HEATR5A: variants seen among roughly 807,000 people sequenced by gnomAD.
HEATR5A encodes the protein HEAT repeat containing 5A, also known as HEAT repeat-containing protein 5A.
In HEATR5A, 178 loss-of-function variants were observed where a neutral mutation model predicts 218.8. That is an observed-to-expected ratio of 0.81 (90% CI 0.72 to 0.92). The LOEUF (loss-of-function observed/expected upper bound fraction) is 0.92. Among genes scored for constraint, HEATR5A ranks in the 40% least tolerant of loss-of-function variants. The pLI, the probability that HEATR5A is intolerant of heterozygous loss-of-function variation, is 0.00. For missense variants in HEATR5A, 2,420 were observed against 2,418.9 expected (o/e 1.00, Z -0.01); for synonymous variants, 864 against 871.6 (o/e 0.99, Z 0.15).
intron 2 of HEATR5A, among the ~76,000 whole-genome samples, chr14:31,401,595 G>A (rs1236409647): frequency 6.6e-6 from 1 of 152,128 alleles, no homozygotes; most frequent in Non-Finnish European, 1.5e-5. Flanking sequence ...CAATTATAGT[G>A]CTACACTACA....
rs1899067792 is a variant in HEATR5A at position 31,292,925 on chromosome 14, G to C, written c.*380C>G. 1 of 161,532 alleles carries C rather than the reference G, an allele frequency of 6.2e-6. No individual in the cohort carries two copies. 10.0% of individuals were successfully genotyped at this position (161,532 alleles called of 1,614,324 possible). A position where few individuals can be genotyped will look rare whatever the true frequency, so the allele number is the denominator to read the frequency against. On this transcript the variant is annotated 3_prime_UTR_variant, in exon 36 of 36. Transcript: ENST00000543095. ...GCAATTGGGATACAATATTAGTGCA[G>C]ATAATTTACACTAGAGTCATATTTA...
chr14:31,407,584 T>A (rs61996789), intron 1 of HEATR5A, among the ~76,000 whole-genome samples: 17 of 1,332 alleles, frequency 0.013, 3 homozygotes, highest in African/African-American at 0.016. Context: ...CTTATTTTAT[T>A]TATATATATA....
At chr14:31,373,545 G>A (rs1352284321) in intron 12 of HEATR5A, among the ~76,000 whole-genome samples, 3 of 151,958 alleles carry the variant, frequency 2.0e-5, no homozygotes, top group Non-Finnish European at 4.4e-5. Flanking sequence ...TGTCTGGGCT[G>A]GTCTCAAACT....
Position 31,386,546 on chromosome 14 carries a change from T to C in HEATR5A, c.1219A>G (p.Thr407Ala). The C allele has an allele frequency of 6.3e-7, 1 of 1,599,404 alleles. No homozygotes were observed. The highest frequency in any genetic ancestry group is 1.1e-5 in the South Asian group (1 of 88,596). Residue 407 changes from threonine to alanine, a missense_variant, in exon 9 of 36, where the codon ACC becomes GCC. Thr to Ala is a moderately conservative substitution (Grantham distance 58). Coordinates refer to ENST00000543095, the MANE Select transcript of HEATR5A (RefSeq NM_015473.4). ...GCTACATCTGTGGAACCAAGCCGGG[T>C]TTCCAAATTACCATCACTCATTACG... is the stretch of plus-strand genomic sequence containing the variant. ...DAVMSDGNLETRLGSTDVAAS... is the reference protein window; with the variant it reads ...DAVMSDGNLEARLGSTDVAAS...
In HEATR5A at chr14:31,308,030, G is replaced by A; in HGVS notation, c.4691-10C>T. 6.3e-7 allele frequency: 1 copy of A among 1,584,464 alleles called. No homozygotes were observed. Among genetic ancestry groups the A allele is most frequent in the Admixed American group, 1.9e-5 (1 of 51,336 alleles). On this transcript the variant is annotated splice_polypyrimidine_tract_variant and intron_variant, in intron 29 of 35. Transcript: ENST00000543095. Reference sequence around the variant, plus strand: ...AATTCCACGCTGATTCCTGTGGAAAGCAAAAAAAGAGGAGGAGGCTTCTTT... The same window carrying A: ...AATTCCACGCTGATTCCTGTGGAAAACAAAAAAAGAGGAGGAGGCTTCTTT...
rs142105291 is a variant in HEATR5A at position 31,347,340 on chromosome 14, T to A, written c.2868+408A>T. Among the ~76,000 whole-genome samples the A allele has an allele frequency of 2.0e-5, 3 of 152,304 alleles. No homozygotes were observed. In the East Asian group the frequency reaches 5.8e-4, roughly 29 times the overall value. ...CATCCTCCCACCTCAGCCTCCTGAG[T>A]AGCTGAGACCACAGATGCATACCAT... On this transcript the variant is annotated intron_variant, in intron 19 of 35. Transcript: ENST00000543095.
intron 16 of HEATR5A, among the ~76,000 whole-genome samples, chr14:31,353,075 A>T (rs1335794759): frequency 6.6e-6 from 1 of 152,096 alleles, no homozygotes; most frequent in African/African-American, 2.4e-5. Flanking sequence ...TATCGTAATA[A>T]ATTTGAAAAA....
At chr14:31,367,780 G>A (rs1901860656) in intron 13 of HEATR5A, among the ~76,000 whole-genome samples, 1 of 151,716 alleles carries the variant, frequency 6.6e-6, no homozygotes, top group Admixed American at 6.6e-5. Flanking sequence ...CTAAAGAGGA[G>A]TAACGTCAAA....
intron 22 of HEATR5A, among the ~76,000 whole-genome samples, chr14:31,330,075 C>A (rs1209064916): frequency 6.6e-6 from 1 of 152,190 alleles, no homozygotes; most frequent in Non-Finnish European, 1.5e-5. Flanking sequence ...TGTGTGGGGG[C>A]TCTGACCCTT....
intron 24 of HEATR5A, among the ~76,000 whole-genome samples, chr14:31,321,927 T>C (rs1900121060): frequency 6.6e-6 from 1 of 152,172 alleles, no homozygotes; most frequent in Admixed American, 6.5e-5. Context: ...ATTAGCATTT[T>C]TTAAGTGTCC....
intron 1 of HEATR5A, among the ~76,000 whole-genome samples, chr14:31,417,495 G>A (rs2031491801): frequency 6.6e-6 from 1 of 152,188 alleles, no homozygotes; most frequent in South Asian, 2.1e-4. Context: ...TGAGGCAGGA[G>A]AATGGCGTGA....
Position 31,343,934 on chromosome 14 carries a change from G to A in HEATR5A, c.3190C>T (p.Arg1064Ter), listed in dbSNP as rs746745112. 1.4e-5 allele frequency: 23 copies of A among 1,610,684 alleles called. No homozygotes were observed. The highest frequency in any genetic ancestry group is 3.3e-5 in the South Asian group (3 of 90,442). ...ACCAGGCTAGACAAGTTGACATGTCGTGGAGCAAACATATGAAGCTGCTGA... is the reference window on the plus strand; with the variant it reads ...ACCAGGCTAGACAAGTTGACATGTCATGGAGCAAACATATGAAGCTGCTGA... ...CLQQLHMFAP[R>*]HVNLSSLVSC... Residue 1064 changes from arginine to a stop codon, truncating the protein, a stop_gained, in exon 21 of 36, where the codon CGA becomes TGA. Transcript: ENST00000543095. LOFTEE classifies it high-confidence loss of function.
chr14:31,408,766 T>C (rs913335265), intron 1 of HEATR5A, among the ~76,000 whole-genome samples: 3 of 151,266 alleles, frequency 2.0e-5, no homozygotes, highest in Admixed American at 6.6e-5. Context: ...TGACTACTAA[T>C]AGAAAAAGGA....
chr14:31,377,833 T>C (rs908461256), intron 11 of HEATR5A, among the ~76,000 whole-genome samples: 3 of 151,976 alleles, frequency 2.0e-5, no homozygotes, highest in African/African-American at 7.3e-5. Flanking sequence ...AGGGAAAGAA[T>C]AGTTAAGAAA....
intron 18 of HEATR5A, 115 bp downstream of exon 18, chr14:31,349,674 T>C (rs1032989828): frequency 2.9e-6 from 2 of 689,444 alleles, no homozygotes; most frequent in Non-Finnish European, 4.8e-6. Context: ...CATTTGACAA[T>C]TTTTCTTTTC....
At chr14:31,393,843 T>G (rs892212568) in intron 6 of HEATR5A, among the ~76,000 whole-genome samples, 5 of 152,122 alleles carry the variant, frequency 3.3e-5, no homozygotes, top group African/African-American at 9.7e-5. Flanking sequence ...TAGACGGGTC[T>G]CACCATGTTG....
chr14:31,378,798 A>C (rs1322035463), intron 11 of HEATR5A, among the ~76,000 whole-genome samples: 10 of 29,490 alleles, frequency 3.4e-4, no homozygotes, highest in Non-Finnish European at 4.4e-4. Flanking sequence ...AAAAAAAAAC[A>C]AACAAAAAAA....
intron 13 of HEATR5A, among the ~76,000 whole-genome samples, chr14:31,366,323 T>C (rs182746695): frequency 3.3e-5 from 5 of 152,278 alleles, no homozygotes; most frequent in Admixed American, 2.0e-4. Flanking sequence ...AGTTACCAAA[T>C]TTAAGAATAA....
At chr14:31,328,615 C>A (rs535271884) in intron 22 of HEATR5A, among the ~76,000 whole-genome samples, 1 of 152,158 alleles carries the variant, frequency 6.6e-6, no homozygotes, top group African/African-American at 2.4e-5. Flanking sequence ...CACAGTGGCT[C>A]ACGCCCATAA....
Sources: gnomAD v4.1 joint callset for allele counts (sites outside exome capture counted in the v4.1 genomes callset) on GRCh38, gnomAD v4.1.1 for gene constraint, MANE v1.5 for transcripts, NCBI Gene and HGNC (gene_info 2026-07-23, HGNC 2026-07-21) for gene names.